F5: variants seen among roughly 807,000 people sequenced by gnomAD.
The protein encoded by F5 is activated protein c cofactor.
F5 carries 138 observed loss-of-function variants against 216.4 expected under a neutral mutation model. The ratio of observed to expected loss-of-function variants is 0.64; its 90% CI spans 0.56 to 0.73. F5 has a LOEUF of 0.73. Among genes scored for constraint, F5 ranks in the 30% least tolerant of loss-of-function variants. The pLI, the probability that F5 is intolerant of heterozygous loss-of-function variation, is 0.00. For synonymous variants in F5, 916 were observed against 930.7 expected (o/e 0.98, Z 0.29); for missense variants, 2,403 against 2,674.0 (o/e 0.90, Z 2.24).
Position 169,586,417 on chromosome 1 carries a change from C to A in F5, c.-31G>T. The A allele has an allele frequency of 6.2e-7, 1 of 1,604,108 alleles. No individual in the cohort carries two copies. The highest frequency in any genetic ancestry group is 1.1e-5 in the South Asian group (1 of 90,456). On this transcript the variant is annotated 5_prime_UTR_variant, in exon 1 of 25. Transcript: ENST00000367797. ...CTTTCCTGCTCCCGCTGGCTGCCAC[C>A]ACCCCAGGACCTGGGCAGCGCTTGC...
At chr1:169,550,288 ACCCCC>A (rs60015398) in intron 9 of F5, among the ~76,000 whole-genome samples, 9 of 72,198 alleles carry the variant, frequency 1.2e-4, no homozygotes, top group African/African-American at 3.5e-4. Flanking sequence ...CCCGCCCCCC[ACCCCC>A]CCCCCCCGAC....
intron 17 of F5, among the ~76,000 whole-genome samples, chr1:169,526,411 T>C (rs1454347756): frequency 6.6e-6 from 1 of 152,146 alleles, no homozygotes; most frequent in African/African-American, 2.4e-5. Context: ...CTTTTTTATA[T>C]AAGAAAATAA....
chr1:169,525,869 C>A lies in F5; in HGVS notation c.5716+32G>T, dbSNP rs764927830. ...TATTCTAGTAATAGGCACTCTCCTG[C>A]CAAACCAAATATCACATGGCTCTTG... On this transcript the variant is annotated intron_variant, in intron 18 of 24. Transcript: ENST00000367797. 6.6e-6 allele frequency: 10 copies of A among 1,511,210 alleles called. No individual in the cohort carries two copies. The Admixed American group carries it at 6.7e-5, about 10-fold the overall frequency. 93.6% of individuals were successfully genotyped at this position (1,511,210 alleles called of 1,614,324 possible). A position where few individuals can be genotyped will look rare whatever the true frequency, so the allele number is the denominator to read the frequency against.
At position 169,512,711 on chromosome 1, in the gene F5, C is replaced by T. The variant is rs757209400; in HGVS notation, c.*1602G>A. 5.3e-5 allele frequency among the ~76,000 whole-genome samples: 8 copies of T among 152,116 alleles called. No homozygotes were observed. Among genetic ancestry groups the T allele is most frequent in the East Asian group, 3.9e-4 (2 of 5,162 alleles). On this transcript the variant is annotated 3_prime_UTR_variant, in exon 25 of 25. Transcript: ENST00000367797. Reference sequence around the variant, plus strand: ...TGAAAAGAAAGGAATAGTGGGAATACGAATATTAGAAAGCCAATGTTTTGT... The same window carrying T: ...TGAAAAGAAAGGAATAGTGGGAATATGAATATTAGAAAGCCAATGTTTTGT...
chr1:169,576,292 T>C (rs1237396943), intron 2 of F5, among the ~76,000 whole-genome samples: 1 of 152,206 alleles, frequency 6.6e-6, no homozygotes, highest in Non-Finnish European at 1.5e-5. Context: ...GTCCTATCTT[T>C]CCCTACCCCT....
rs773212305 is a variant in F5, at chr1:169,520,501, A to G, written c.6193+19T>C. ...TTCTTTGAGTGGCAGTGAGAAAATA[A>G]TGCATCTTTGTACCTTACCATTTAC... On this transcript the variant is annotated intron_variant, in intron 22 of 24. Coordinates refer to ENST00000367797, the MANE Select transcript of F5 (RefSeq NM_000130.5). 21 of 1,613,732 alleles carry G rather than the reference A, an allele frequency of 1.3e-5. No individual in the cohort carries two copies. In the South Asian group the frequency reaches 2.3e-4, roughly 18 times the overall value.
At chr1:169,573,778 T>C (rs973297347) in intron 2 of F5, among the ~76,000 whole-genome samples, 8 of 152,122 alleles carry the variant, frequency 5.3e-5, no homozygotes, top group Admixed American at 4.6e-4. Flanking sequence ...AGATGTATGA[T>C]AGGAGCGACT....
At chr1:169,534,204 A>C (rs769653805) in intron 14 of F5, among the ~76,000 whole-genome samples, 21 of 152,090 alleles carry the variant, frequency 1.4e-4, no homozygotes, top group Admixed American at 1.1e-3. Flanking sequence ...AAGGGACAGG[A>C]ATTGCTCACT....
At chr1:169,532,521 A>G (rs1659612993) in intron 14 of F5, among the ~76,000 whole-genome samples, 1 of 152,236 alleles carries the variant, frequency 6.6e-6, no homozygotes. Context: ...ATTAATGTAC[A>G]AAATCAATTA....
intron 3 of F5, among the ~76,000 whole-genome samples, chr1:169,568,423 G>C (rs1227989195): frequency 1.3e-5 from 2 of 152,022 alleles, no homozygotes; most frequent in South Asian, 4.1e-4. Context: ...AAACAGGTTT[G>C]TTGTATCTTT....
Position 169,515,435 on chromosome 1 carries a change from C to T in F5, c.6528+9G>A, listed in dbSNP as rs1032493902. On this transcript the variant is annotated intron_variant, in intron 24 of 24. Transcript: ENST00000367797. ...AGATTGCTTTCTCTTTGCCCAGATGCCACTCTACCTTGTCCACCATGGAGG... is the reference window on the plus strand; with the variant it reads ...AGATTGCTTTCTCTTTGCCCAGATGTCACTCTACCTTGTCCACCATGGAGG... 1.2e-5 allele frequency: 20 copies of T among 1,612,722 alleles called. No homozygotes were observed. The highest frequency in any genetic ancestry group is 1.7e-5 in the Non-Finnish European group (20 of 1,179,456).
intron 7 of F5, 107 bp downstream of exon 7, chr1:169,555,075 C>A (rs1003574698): frequency 1.6e-6 from 2 of 1,245,000 alleles, no homozygotes; most frequent in Non-Finnish European, 2.4e-6. Flanking sequence ...GAAACCAATA[C>A]ATGTGTCCCC....
At position 169,530,955 on chromosome 1, in the gene F5, G is replaced by A; in HGVS notation, c.5039C>T (p.Ser1680Leu). ...LHAHGLSYEK[S>L]SEGKTYEDDS... The stretch of plus-strand genomic sequence containing the variant: ...ATCTTCATAAGTCTTTCCCTCTGAT[G>A]ATTTTTCATAGGAAAGTCCATGGGC... The change falls in exon 15 of 25, where the codon TCA becomes TTA. Residue 1680 changes from serine to leucine, a missense_variant. Ser to Leu is a moderately radical substitution (Grantham distance 145). Transcript: ENST00000367797. The A allele has an allele frequency of 6.2e-7, 1 of 1,613,820 alleles. No individual in the cohort carries two copies. The highest frequency in any genetic ancestry group is 8.5e-7 in the Non-Finnish European group (1 of 1,179,836).
intron 22 of F5, 21 bp from the exon 23 acceptor site, chr1:169,518,584 T>TGCA (rs1351288486): frequency 6.2e-7 from 1 of 1,613,282 alleles, no homozygotes; most frequent in Non-Finnish European, 8.5e-7. Context: ...AAAAGTAACG[T>TGCA]GATTAATTAC....
intron 2 of F5, among the ~76,000 whole-genome samples, chr1:169,576,026 A>T (rs1485746504): frequency 6.6e-6 from 1 of 152,046 alleles, no homozygotes; most frequent in African/African-American, 2.4e-5. Flanking sequence ...GGTTTTGAAG[A>T]TGGAGGAAGG....
In F5 at chr1:169,542,680, T is replaced by C. The variant is rs1659895696; in HGVS notation, c.2410A>G (p.Thr804Ala). ...PQKAPSHQQATTAGSPLRHLI... is the reference protein window; with the variant it reads ...PQKAPSHQQAATAGSPLRHLI... Reference sequence around the variant, plus strand: ...TGTCTCAGTGGGGAACCAGCTGTGGTGGCTTGTTGGTGAGAAGGGGCTTTC... The same window carrying C: ...TGTCTCAGTGGGGAACCAGCTGTGGCGGCTTGTTGGTGAGAAGGGGCTTTC... Residue 804 changes from threonine to alanine, a missense_variant, in exon 13 of 25, where the codon ACC (threonine) becomes GCC (alanine). Thr to Ala is a moderately conservative substitution (Grantham distance 58). Coordinates refer to ENST00000367797, the MANE Select transcript of F5 (RefSeq NM_000130.5). 9 of 1,614,090 alleles carry C rather than the reference T, an allele frequency of 5.6e-6. No individual in the cohort carries two copies. Among genetic ancestry groups the C allele is most frequent in the Non-Finnish European group, 7.6e-6 (9 of 1,179,980 alleles).
At chr1:169,581,825 T>A (rs1321240607) in intron 2 of F5, among the ~76,000 whole-genome samples, 2 of 141,914 alleles carry the variant, frequency 1.4e-5, no homozygotes, top group Admixed American at 7.4e-5. Flanking sequence ...ATTGTATATA[T>A]CACACTAAAT....
At chr1:169,533,568 A>G (rs1659637290) in intron 14 of F5, among the ~76,000 whole-genome samples, 1 of 152,202 alleles carries the variant, frequency 6.6e-6, no homozygotes, top group South Asian at 2.1e-4. Flanking sequence ...AAATAACCCC[A>G]TTAAAAAGTG....
intron 15 of F5, 81 bp downstream of exon 15, chr1:169,530,705 A>C: frequency 7.9e-7 from 1 of 1,264,834 alleles, no homozygotes. Flanking sequence ...TTTGACAAGA[A>C]ATAACCCCGA....
Sources: gnomAD v4.1 joint callset for allele counts (sites outside exome capture counted in the v4.1 genomes callset) on GRCh38, gnomAD v4.1.1 for gene constraint, MANE v1.5 for transcripts, NCBI Gene and HGNC (gene_info 2026-07-23, HGNC 2026-07-21) for gene names.